RYR2: variants seen among roughly 807,000 people sequenced by gnomAD.
RYR2 encodes ryanodine receptor 2.
RYR2 carries 227 observed loss-of-function variants against 601.1 expected under a neutral mutation model. That is an observed-to-expected ratio of 0.38 (90% confidence interval 0.34 to 0.42). RYR2 has a LOEUF of 0.42. Ranked by LOEUF, RYR2 falls within the 10% of genes least tolerant of loss-of-function variation. The probability of loss-of-function intolerance (pLI) is 1.00; values close to 1 mark genes in which losing one functional copy is unlikely to be tolerated. For missense variants in RYR2, 4,646 were observed against 6,156.5 expected (o/e 0.75, Z 8.21); for synonymous variants, 2,223 against 2,175.1 (o/e 1.02, Z -0.61).
chr1:237,155,298 C>T (rs549221572), intron 1 of RYR2, among the ~76,000 whole-genome samples: 1 of 151,654 alleles, frequency 6.6e-6, no homozygotes, highest in South Asian at 2.1e-4. Context: ...ACCTCAGCCT[C>T]CCAAGTAGCT....
chr1:237,359,008 A>G (rs1302122782), intron 4 of RYR2, among the ~76,000 whole-genome samples: 1 of 152,154 alleles, frequency 6.6e-6, no homozygotes, highest in African/African-American at 2.4e-5. Context: ...CTTAGGTGGC[A>G]TAACAATATG....
chr1:237,450,129 G>A (rs1657906678), intron 14 of RYR2, among the ~76,000 whole-genome samples: 1 of 152,070 alleles, frequency 6.6e-6, no homozygotes, highest in African/African-American at 2.4e-5. Flanking sequence ...CTGTGTGAGG[G>A]CCAGTTGCTG....
chr1:237,269,694 C>T (rs1025646593), intron 1 of RYR2, among the ~76,000 whole-genome samples: 1 of 152,150 alleles, frequency 6.6e-6, no homozygotes, highest in Non-Finnish European at 1.5e-5. Context: ...GGATTTACTT[C>T]GTCATTTTAG....
intron 1 of RYR2, among the ~76,000 whole-genome samples, chr1:237,133,072 T>A (rs1221477288): frequency 6.6e-6 from 1 of 152,088 alleles, no homozygotes; most frequent in Non-Finnish European, 1.5e-5. Context: ...AGTGAGGACT[T>A]CAGAGGAGAC....
chr1:237,348,246 A>T (rs1457923149), intron 3 of RYR2, among the ~76,000 whole-genome samples: 1 of 152,190 alleles, frequency 6.6e-6, no homozygotes, highest in African/African-American at 2.4e-5. Context: ...AGTAGCTTGG[A>T]TAACTGGCAT....
intron 31 of RYR2, 106 bp from the exon 32 acceptor site, chr1:237,591,633 A>G: frequency 1.2e-6 from 1 of 853,448 alleles, no homozygotes; most frequent in Admixed American, 2.0e-5. Flanking sequence ...TCCCCCAGGG[A>G]GCAAAATCGC....
Position 237,242,195 on chromosome 1 carries a change from T to A in RYR2, c.49-28302T>A, listed in dbSNP as rs1239274777. Among the ~76,000 whole-genome samples, 3 of 40,172 alleles carry A rather than the reference T, an allele frequency of 7.5e-5. No individual in the cohort carries two copies. In the Admixed American group the frequency reaches 1.2e-3, roughly 16 times the overall value. The allele number at this position is 40,172 out of a possible 152,430, so 26.4% of individuals were successfully genotyped here. A position where few individuals can be genotyped will look rare whatever the true frequency, so the allele number is the denominator to read the frequency against. On this transcript the variant is annotated intron_variant, in intron 1 of 104. Coordinates refer to ENST00000366574, the MANE Select transcript of RYR2 (RefSeq NM_001035.3). ...GCCTAAACAGTATTTTGATCACTGTTTTTTTTGTTTGTTTGTTTGTTTGTT... is the reference window on the plus strand; with the variant it reads ...GCCTAAACAGTATTTTGATCACTGTATTTTTTGTTTGTTTGTTTGTTTGTT...
chr1:237,659,552 T>C (rs1276692086), intron 54 of RYR2, among the ~76,000 whole-genome samples: 3 of 152,178 alleles, frequency 2.0e-5, no homozygotes, highest in African/African-American at 7.2e-5. Context: ...AAAATGCATG[T>C]TTTGTATTTA....
chr1:237,500,982 C>T, intron 21 of RYR2, 79 bp downstream of exon 21: 1 of 1,313,154 alleles, frequency 7.6e-7, no homozygotes, highest in African/African-American at 1.4e-5. Flanking sequence ...CTGCCATTGC[C>T]CTTCTTCTCT....
At chr1:237,315,776 T>C (rs572043175) in intron 2 of RYR2, among the ~76,000 whole-genome samples, 4 of 152,158 alleles carry the variant, frequency 2.6e-5, no homozygotes, top group Non-Finnish European at 5.9e-5. Flanking sequence ...ATGGTAGAAA[T>C]TGGACAAAGG....
chr1:237,193,165 T>TGCAAAAAAAAA (rs1402978522), intron 1 of RYR2, among the ~76,000 whole-genome samples: 2 of 2,750 alleles, frequency 7.3e-4, no homozygotes, highest in African/African-American at 1.2e-3. Flanking sequence ...CTGCTAAAAG[T>TGCAAAAAAAAA]ACAAAAAAAA....
At chr1:237,435,488 G>A (rs1707251066) in intron 12 of RYR2, among the ~76,000 whole-genome samples, 1 of 152,138 alleles carries the variant, frequency 6.6e-6, no homozygotes, top group Admixed American at 6.6e-5. Flanking sequence ...ATTTACTTGG[G>A]ATTAAATTCA....
intron 43 of RYR2, among the ~76,000 whole-genome samples, chr1:237,634,188 T>C (rs1680628777): frequency 6.6e-6 from 1 of 152,180 alleles, no homozygotes; most frequent in Non-Finnish European, 1.5e-5. Context: ...TTATTCACAA[T>C]AGCTGAGATA....
chr1:237,333,650 A>T (rs1278315247), intron 3 of RYR2: 6 of 455,920 alleles, frequency 1.3e-5, no homozygotes, highest in African/African-American at 1.2e-4. Context: ...TGACTCATGG[A>T]TGCTGCTGGC....
At chr1:237,043,984 A>G (rs1660244564) in intron 1 of RYR2, among the ~76,000 whole-genome samples, 1 of 152,200 alleles carries the variant, frequency 6.6e-6, no homozygotes, top group South Asian at 2.1e-4. Context: ...TGGGAAGGAT[A>G]AAAACCCAGG....
intron 1 of RYR2, among the ~76,000 whole-genome samples, chr1:237,053,906 AGGGTCTAACCCCTTTATAG>A (rs1228982912): frequency 6.6e-6 from 1 of 152,204 alleles, no homozygotes; most frequent in Non-Finnish European, 1.5e-5. Context: ...TTCAGGGATC[AGGGTCTAACCCCTTTATAG>A]TGAAGGAACA....
intron 1 of RYR2, among the ~76,000 whole-genome samples, chr1:237,193,548 C>A (rs1006809068): frequency 2.0e-5 from 3 of 152,160 alleles, no homozygotes; most frequent in African/African-American, 7.2e-5. Context: ...ATGTGGAATC[C>A]TGAGGGAGTT....
At chr1:237,084,406 AT>A (rs1181874631) in intron 1 of RYR2, among the ~76,000 whole-genome samples, 1 of 152,218 alleles carries the variant, frequency 6.6e-6, no homozygotes, top group Non-Finnish European at 1.5e-5. Context: ...TGAGGGTATT[AT>A]GGAAATTGAA....
chr1:237,384,526 G>A (rs1214606814), intron 8 of RYR2, among the ~76,000 whole-genome samples: 1 of 152,182 alleles, frequency 6.6e-6, no homozygotes, highest in Non-Finnish European at 1.5e-5. Flanking sequence ...TTCTTAGAGG[G>A]CCAGGGGGCC....
Sources: allele counts gnomAD v4.1 joint callset (sites outside exome capture counted in the v4.1 genomes callset), GRCh38; gene constraint gnomAD v4.1.1; transcripts MANE v1.5; gene names NCBI Gene and HGNC (gene_info 2026-07-23, HGNC 2026-07-21).